ATXN1: variants seen among roughly 807,000 people sequenced by gnomAD.
ATXN1 encodes the protein ataxin-1.
In ATXN1, 8 loss-of-function variants were observed where a neutral mutation model predicts 56.4. The ratio of observed to expected loss-of-function variants is 0.14; its 90% confidence interval spans 0.08 to 0.26. The LOEUF (loss-of-function observed/expected upper bound fraction) is 0.26, where lower values mean the gene tolerates loss of function less well. Ranked by LOEUF, ATXN1 falls within the 10% of genes least tolerant of loss-of-function variation. The pLI, the probability that ATXN1 is intolerant of heterozygous loss-of-function variation, is 1.00. For synonymous variants in ATXN1, 514 were observed against 494.6 expected (o/e 1.04, Z -0.52); for missense variants, 987 against 1,106.5 (o/e 0.89, Z 1.53).
intron 3 of ATXN1, among the ~76,000 whole-genome samples, chr6:16,643,120 A>C (rs1478706810): frequency 1.3e-5 from 2 of 152,106 alleles, no homozygotes; most frequent in Non-Finnish European, 2.9e-5. Flanking sequence ...AAATACAAAA[A>C]TTAGCTGGGC....
intron 3 of ATXN1, among the ~76,000 whole-genome samples, chr6:16,619,007 T>C (rs569916494): frequency 6.6e-6 from 1 of 152,042 alleles, no homozygotes; most frequent in East Asian, 1.9e-4. Flanking sequence ...AAAAAAGAAA[T>C]GTAAAAAACA....
chr6:16,385,122 G>A (rs563838431), intron 6 of ATXN1, among the ~76,000 whole-genome samples: 1 of 152,288 alleles, frequency 6.6e-6, no homozygotes, highest in East Asian at 1.9e-4. Flanking sequence ...TCTAGACAGA[G>A]GAGGGAGCTC....
intron 6 of ATXN1, among the ~76,000 whole-genome samples, chr6:16,355,561 T>G (rs199968448): frequency 6.2e-5 from 1 of 16,068 alleles, no homozygotes; most frequent in East Asian, 2.8e-3. Context: ...TCACCCACCC[T>G]TTTTTTTTTT....
chr6:16,462,650 C>T (rs1760022492), intron 6 of ATXN1, among the ~76,000 whole-genome samples: 1 of 152,172 alleles, frequency 6.6e-6, no homozygotes. Flanking sequence ...TCTTACATTT[C>T]CAACCTCACC....
chr6:16,490,154 A>G (rs1477570430), intron 5 of ATXN1, among the ~76,000 whole-genome samples: 1 of 151,210 alleles, frequency 6.6e-6, no homozygotes. Flanking sequence ...AAAAAAAACC[A>G]AAAACCAAAC....
At chr6:16,561,121 T>C (rs1762108292) in intron 4 of ATXN1, among the ~76,000 whole-genome samples, 1 of 152,030 alleles carries the variant, frequency 6.6e-6, no homozygotes, top group Non-Finnish European at 1.5e-5. Context: ...CAGATGACCT[T>C]CGGAAAAATT....
chr6:16,323,290 G>A (rs1329005891), intron 7 of ATXN1, among the ~76,000 whole-genome samples: 4 of 152,076 alleles, frequency 2.6e-5, no homozygotes, highest in Admixed American at 6.5e-5. Context: ...AGGCTGAGGC[G>A]GGTGAATCAC....
At chr6:16,674,043 A>G (rs978556286) in intron 2 of ATXN1, among the ~76,000 whole-genome samples, 52 of 152,046 alleles carry the variant, frequency 3.4e-4, no homozygotes, top group African/African-American at 1.3e-3. Context: ...GAAATGCTCT[A>G]ACGTGTTTTA....
intron 6 of ATXN1, among the ~76,000 whole-genome samples, chr6:16,378,760 A>G (rs559798155): frequency 6.6e-6 from 1 of 152,058 alleles, no homozygotes; most frequent in East Asian, 1.9e-4. Flanking sequence ...AAGTCTCACT[A>G]TATTTCCCAG....
At chr6:16,373,738 A>G (rs142676146) in intron 6 of ATXN1, among the ~76,000 whole-genome samples, 104 of 152,286 alleles carry the variant, frequency 6.8e-4, no homozygotes, top group South Asian at 5.0e-3. Context: ...CATGTAAGAC[A>G]TGCCTTTTGC....
intron 4 of ATXN1, among the ~76,000 whole-genome samples, chr6:16,525,589 A>C (rs372425029): frequency 1.7e-4 from 26 of 152,140 alleles, no homozygotes; most frequent in African/African-American, 6.3e-4. Context: ...AGTAGTTAGA[A>C]TAAATAAGAT....
intron 4 of ATXN1, among the ~76,000 whole-genome samples, chr6:16,566,770 C>G (rs1037000279): frequency 1.3e-5 from 2 of 152,108 alleles, no homozygotes; most frequent in East Asian, 3.9e-4. Context: ...GCAGGAGAAT[C>G]GCTTGAATCT....
At chr6:16,324,254 G>A (rs1253926679) in intron 7 of ATXN1, among the ~76,000 whole-genome samples, 1 of 152,052 alleles carries the variant, frequency 6.6e-6, no homozygotes, top group Admixed American at 6.5e-5. Context: ...ACCAGCCTAG[G>A]CAACACAGCA....
At chr6:16,600,392 T>C (rs538533377) in intron 3 of ATXN1, among the ~76,000 whole-genome samples, 1 of 152,356 alleles carries the variant, frequency 6.6e-6, no homozygotes, top group Non-Finnish European at 1.5e-5. Context: ...GGCATAACTT[T>C]TTTTGAAAAT....
intron 4 of ATXN1, among the ~76,000 whole-genome samples, chr6:16,532,741 GT>G (rs1761529303): frequency 6.6e-6 from 1 of 152,148 alleles, no homozygotes; most frequent in South Asian, 2.1e-4. Context: ...AATAACAAAT[GT>G]TGGCAAGGAT....
chr6:16,377,005 G>T (rs1055125434), intron 6 of ATXN1, among the ~76,000 whole-genome samples: 1 of 148,144 alleles, frequency 6.8e-6, no homozygotes, highest in Non-Finnish European at 1.5e-5. Context: ...TCATTCACAC[G>T]AGCACTTCCA....
rs373025296 is a variant in ATXN1 at position 16,703,316 on chromosome 6, C to A, written c.-614-45415G>T. ...TGGGCACAGGAAGGGGAACACCACA[C>A]CCCAGGGCCTGTTGTGGGGTGGGGG... On this transcript the variant is annotated intron_variant, in intron 2 of 7. Coordinates refer to ENST00000436367, the MANE Select transcript of ATXN1 (RefSeq NM_001128164.2). Among the ~76,000 whole-genome samples, 55 of 152,238 alleles carry A rather than the reference C, an allele frequency of 3.6e-4. No homozygotes were observed. The South Asian group carries it at 0.01, about 29-fold the overall frequency.
At chr6:16,607,451 A>T (rs1219469490) in intron 3 of ATXN1, among the ~76,000 whole-genome samples, 3 of 152,274 alleles carry the variant, frequency 2.0e-5, no homozygotes, top group Non-Finnish European at 2.9e-5. Context: ...CTTAATTGAT[A>T]TTGCGCTGCA....
intron 2 of ATXN1, among the ~76,000 whole-genome samples, chr6:16,740,386 T>G (rs756058779): frequency 4.6e-5 from 7 of 152,198 alleles, no homozygotes; most frequent in Non-Finnish European, 8.8e-5. Flanking sequence ...TGGAAGAGCT[T>G]CTTCTAATCT....
Sources: gnomAD v4.1 joint callset for allele counts (sites outside exome capture counted in the v4.1 genomes callset) on GRCh38, gnomAD v4.1.1 for gene constraint, MANE v1.5 for transcripts, NCBI Gene and HGNC (gene_info 2026-07-23, HGNC 2026-07-21) for gene names.